LRFN2: variants seen among roughly 807,000 people sequenced by gnomAD.
LRFN2 encodes the protein leucine-rich repeat and fibronectin type-III domain-containing protein 2.
A neutral mutation model predicts 37.3 loss-of-function variants in LRFN2; 18 were observed. The ratio of observed to expected loss-of-function variants is 0.48; its 90% CI spans 0.33 to 0.72. The LOEUF is 0.72. LRFN2 is among the 30% of genes least tolerant of loss of function. LRFN2 has a pLI of 0.02. For missense variants in LRFN2, 1,006 were observed against 1,060.7 expected (o/e 0.95, Z 0.72); for synonymous variants, 556 against 466.6 (o/e 1.19, Z -2.47).
chr6:40,402,395 A>T (rs62395881), intron 2 of LRFN2, among the ~76,000 whole-genome samples: 2,128 of 152,316 alleles, frequency 0.014, 19 homozygotes, highest in Non-Finnish European at 0.021. Flanking sequence ...ATTGAGCAGA[A>T]TCAGGATTTA....
At chr6:40,450,505 C>G (rs140726924) in intron 1 of LRFN2, among the ~76,000 whole-genome samples, 1 of 152,234 alleles carries the variant, frequency 6.6e-6, no homozygotes, top group African/African-American at 2.4e-5. Context: ...CAGGGGCAGC[C>G]TTTTCCTTGT....
At chr6:40,499,585 C>G (rs566732577) in intron 1 of LRFN2, among the ~76,000 whole-genome samples, 16 of 152,216 alleles carry the variant, frequency 1.1e-4, no homozygotes, top group Admixed American at 2.6e-4. Context: ...TCGCAGGGCT[C>G]CTCTTCAGGT....
In LRFN2 at chr6:40,418,583, A is replaced by G. The variant is rs145272331; in HGVS notation, c.1400+13131T>C. Reference sequence around the variant, plus strand: ...CCAAATACAGAGTTTTCCTCACCCCAGGTCATTCTTCCCCTCAGAACTAGA... The same window carrying G: ...CCAAATACAGAGTTTTCCTCACCCCGGGTCATTCTTCCCCTCAGAACTAGA... On this transcript the variant is annotated intron_variant, in intron 2 of 2. Coordinates refer to ENST00000338305, the MANE Select transcript of LRFN2 (RefSeq NM_020737.3). 2.8e-3 allele frequency among the ~76,000 whole-genome samples: 425 copies of G among 152,274 alleles called. 3 individuals are homozygous for G. Among genetic ancestry groups the G allele is most frequent in the East Asian group, 0.017 (87 of 5,176 alleles).
chr6:40,435,084 G>GACAGAGAGAC (rs1554134664), intron 1 of LRFN2, among the ~76,000 whole-genome samples: 8 of 131,652 alleles, frequency 6.1e-5, no homozygotes, highest in South Asian at 4.9e-4. Flanking sequence ...GAGAGAGAGA[G>GACAGAGAGAC]AGAGAGACAG....
intron 2 of LRFN2, among the ~76,000 whole-genome samples, chr6:40,420,444 A>G (rs898363052): frequency 1.3e-5 from 2 of 152,264 alleles, no homozygotes; most frequent in Non-Finnish European, 2.9e-5. Flanking sequence ...AGAAAAGAAC[A>G]CTCACAGACA....
At chr6:40,493,842 T>G (rs964727343) in intron 1 of LRFN2, among the ~76,000 whole-genome samples, 2 of 152,202 alleles carry the variant, frequency 1.3e-5, no homozygotes, top group Non-Finnish European at 2.9e-5. Context: ...CAGGGACCAG[T>G]CTCAGGTTAC....
chr6:40,441,467 T>A (rs564126343), intron 1 of LRFN2, among the ~76,000 whole-genome samples: 1 of 152,248 alleles, frequency 6.6e-6, no homozygotes, highest in South Asian at 2.1e-4. Context: ...AAAGGAGGGC[T>A]GGATTTCACC....
intron 1 of LRFN2, among the ~76,000 whole-genome samples, chr6:40,469,654 G>A (rs1345400128): frequency 6.6e-6 from 1 of 152,154 alleles, no homozygotes; most frequent in Non-Finnish European, 1.5e-5. Context: ...ATTGGAGGAT[G>A]GACAGAGAAC....
chr6:40,537,493 G>C (rs747850125), intron 1 of LRFN2, among the ~76,000 whole-genome samples: 1 of 152,188 alleles, frequency 6.6e-6, no homozygotes, highest in Non-Finnish European at 1.5e-5. Flanking sequence ...CAGGGGAACT[G>C]AGCGGGCTGC....
At chr6:40,486,933 A>G (rs1561874944) in intron 1 of LRFN2, among the ~76,000 whole-genome samples, 1 of 152,174 alleles carries the variant, frequency 6.6e-6, no homozygotes. Flanking sequence ...ACTGACATTT[A>G]TGGTGTGGCT....
chr6:40,557,256 C>A (rs73732752), intron 1 of LRFN2, among the ~76,000 whole-genome samples: 3,157 of 152,304 alleles, frequency 0.021, 126 homozygotes, highest in African/African-American at 0.07. Context: ...ACAAACCAGC[C>A]TGGCCCCAAG....
rs774995727 is a variant in LRFN2 at position 40,392,195 on chromosome 6, G to A, written c.2118C>T (p.Ala706=). ...EPLLGPPAAR[A]RSLLPLPLEG... The stretch of plus-strand genomic sequence containing the variant: ...CCAACGGCAAGGGGAGCAGGCTCCT[G>A]GCCCGGGCCGCAGGGGGCCCCAGCA... The change falls in exon 3 of 3, where the codon GCC becomes GCT. Residue 706 remains alanine, a synonymous_variant. Coordinates refer to ENST00000338305, the MANE Select transcript of LRFN2 (RefSeq NM_020737.3). This position sits in a 1 kb window ranked among gnomAD's most constrained non-coding sequence, Gnocchi z 4.7. The A allele has an allele frequency of 6.3e-7, 1 of 1,578,828 alleles. No individual in the cohort carries two copies. Among genetic ancestry groups the A allele is most frequent in the Admixed American group, 1.8e-5 (1 of 56,160 alleles).
intron 1 of LRFN2, among the ~76,000 whole-genome samples, chr6:40,505,137 G>A (rs1322564322): frequency 2.6e-5 from 4 of 152,154 alleles, no homozygotes; most frequent in Non-Finnish European, 4.4e-5. Flanking sequence ...GGTTTCTTCT[G>A]GTTCAGGTGG....
intron 1 of LRFN2, among the ~76,000 whole-genome samples, chr6:40,458,733 A>G (rs1764284687): frequency 6.6e-6 from 1 of 152,172 alleles, no homozygotes; most frequent in Non-Finnish European, 1.5e-5. Flanking sequence ...CCCTTGCTTT[A>G]AACAAAAACT....
At chr6:40,524,402 A>C (rs432028) in intron 1 of LRFN2, among the ~76,000 whole-genome samples, 1 of 129,592 alleles carries the variant, frequency 7.7e-6, no homozygotes, top group African/African-American at 2.8e-5. Context: ...GACCCGCCAC[A>C]CCTCTAACAC....
At chr6:40,469,643 G>T (rs1476916643) in intron 1 of LRFN2, among the ~76,000 whole-genome samples, 2 of 152,146 alleles carry the variant, frequency 1.3e-5, no homozygotes, top group African/African-American at 4.8e-5. Flanking sequence ...ACTCATAGGA[G>T]ATTGGAGGAT....
chr6:40,539,289 C>A (rs1766508533), intron 1 of LRFN2, among the ~76,000 whole-genome samples: 1 of 152,136 alleles, frequency 6.6e-6, no homozygotes, highest in South Asian at 2.1e-4. Context: ...CCCATCTTGT[C>A]AACACTGTCT....
chr6:40,536,590 C>G (rs1435773854), intron 1 of LRFN2, among the ~76,000 whole-genome samples: 1 of 152,122 alleles, frequency 6.6e-6, no homozygotes, highest in Non-Finnish European at 1.5e-5. Context: ...AAATGAGGAG[C>G]CTGTTTTGGA....
chr6:40,431,893 C>T lies in LRFN2; in HGVS notation c.1221G>A (p.Arg407=), dbSNP rs1763495957. 6.2e-7 allele frequency: 1 copy of T among 1,609,766 alleles called. No homozygotes were observed. The highest frequency in any genetic ancestry group is 1.3e-5 in the African/African-American group (1 of 74,900). Residue 407 remains arginine (R), a synonymous_variant, in exon 2 of 3, where the codon CGG becomes CGA. Transcript: ENST00000338305. The part of the protein sequence containing the change: ...SDITGSSKTS[R]GGGGSGGGEP... The stretch of plus-strand genomic sequence containing the variant: ...CTCCGCCCCCACTGCCTCCACCTCC[C>T]CGGCTGGTCTTGCTGGAGCCAGTGA...
Sources: gnomAD v4.1 joint callset for allele counts (sites outside exome capture counted in the v4.1 genomes callset) on GRCh38, gnomAD v4.1.1 for gene constraint, Gnocchi (gnomAD v3.1) non-coding constraint, MANE v1.5 for transcripts, NCBI Gene and HGNC (gene_info 2026-07-23, HGNC 2026-07-21) for gene names.